EYA1: variants seen among roughly 807,000 people sequenced by gnomAD.
EYA1 encodes the protein protein phosphatase EYA1.
In EYA1, 16 loss-of-function variants were observed where a neutral mutation model predicts 82.0. The ratio of observed to expected loss-of-function variants is 0.20; its 90% CI spans 0.13 to 0.30. The LOEUF (loss-of-function observed/expected upper bound fraction) is 0.30, where lower values mean the gene tolerates loss of function less well. EYA1 is among the 10% of genes least tolerant of loss of function. EYA1 has a pLI of 1.00. For missense variants in EYA1, 633 were observed against 730.7 expected (o/e 0.87, Z 1.54); for synonymous variants, 261 against 264.4 (o/e 0.99, Z 0.12).
chr8:71,407,909 A>G (rs574566836), intron 2 of EYA1, among the ~76,000 whole-genome samples: 3,626 of 149,198 alleles, frequency 0.024, 150 homozygotes, highest in African/African-American at 0.082. Flanking sequence ...CAACTCCAAG[A>G]CACGTAATTG....
At chr8:71,498,046 T>G (rs1036458677) in intron 2 of EYA1, among the ~76,000 whole-genome samples, 1 of 151,382 alleles carries the variant, frequency 6.6e-6, no homozygotes, top group Non-Finnish European at 1.5e-5. Flanking sequence ...CTAGGGTGGT[T>G]GGGGGCAGAG....
intron 4 of EYA1, among the ~76,000 whole-genome samples, chr8:71,329,988 G>A (rs1823632264): frequency 6.6e-6 from 1 of 152,088 alleles, no homozygotes; most frequent in Non-Finnish European, 1.5e-5. Flanking sequence ...ACGAAGTTAG[G>A]GAGAGTAAGG....
chr8:71,504,789 G>C (rs1812065980), intron 2 of EYA1, among the ~76,000 whole-genome samples: 1 of 151,766 alleles, frequency 6.6e-6, no homozygotes, highest in South Asian at 2.1e-4. Context: ...ACTGCTTTTT[G>C]CTGTTGTTTT....
chr8:71,246,647 A>G (rs1813129599), intron 11 of EYA1, among the ~76,000 whole-genome samples: 1 of 152,230 alleles, frequency 6.6e-6, no homozygotes. Flanking sequence ...TCATCCTCTC[A>G]TCGAGCCTGG....
intron 4 of EYA1, among the ~76,000 whole-genome samples, chr8:71,327,984 T>G (rs894214612): frequency 6.6e-6 from 1 of 150,526 alleles, no homozygotes; most frequent in Non-Finnish European, 1.5e-5. Context: ...GCCTCCTGAA[T>G]AGCTGGGATT....
intron 1 of EYA1, 188 bp from the exon 2 acceptor site, chr8:71,356,699 G>T (rs1328482938): frequency 1.6e-6 from 2 of 1,279,142 alleles, no homozygotes; most frequent in Non-Finnish European, 2.0e-6. Flanking sequence ...TCCTCCTGCA[G>T]GTCTATCCTC....
At chr8:71,306,585 GCACAGCT>G (rs1820767060) in intron 7 of EYA1, among the ~76,000 whole-genome samples, 1 of 152,092 alleles carries the variant, frequency 6.6e-6, no homozygotes, top group South Asian at 2.1e-4. Context: ...AGCTCCCCAT[GCACAGCT>G]CACCATGGTA....
At chr8:71,245,502 A>G (rs1392538725) in intron 11 of EYA1, among the ~76,000 whole-genome samples, 1 of 151,672 alleles carries the variant, frequency 6.6e-6, no homozygotes, top group Non-Finnish European at 1.5e-5. Flanking sequence ...CTGGGATTAC[A>G]GGCATGAGCC....
Position 71,399,001 on chromosome 8 carries a change from C to T in EYA1, c.34-42490G>A, listed in dbSNP as rs1174469947. Among the ~76,000 whole-genome samples the T allele has an allele frequency of 4.6e-5, 7 of 152,322 alleles. 1 individual carries two copies. The highest frequency in any genetic ancestry group is 1.7e-4 in the African/African-American group (7 of 41,558). On this transcript the variant is annotated intron_variant, in intron 2 of 18. Transcript: ENST00000643681. ...ACTCAAGCCACAGCAATGGCAGATG[C>T]CCCTCCGACAGCCTTGCTGCTGCCT...
At chr8:71,418,624 T>A (rs1830980856) in intron 2 of EYA1, among the ~76,000 whole-genome samples, 1 of 152,242 alleles carries the variant, frequency 6.6e-6, no homozygotes, top group Admixed American at 6.5e-5. Flanking sequence ...ATACACATTA[T>A]CTCAGAAAGT....
intron 2 of EYA1, among the ~76,000 whole-genome samples, chr8:71,420,474 TA>T (rs1171522850): frequency 6.6e-6 from 1 of 152,032 alleles, no homozygotes; most frequent in Admixed American, 6.5e-5. Flanking sequence ...AAGCTTTTTT[TA>T]AAAAAATTAA....
intron 2 of EYA1, among the ~76,000 whole-genome samples, chr8:71,514,771 C>G (rs374395448): frequency 6.6e-6 from 1 of 152,118 alleles, no homozygotes; most frequent in African/African-American, 2.4e-5. Context: ...ATTCAAGTTG[C>G]GATTTGGGTG....
rs138509009 is a variant in EYA1, at chr8:71,331,489, T to TATATATA, written c.202+2607_202+2608insTATATAT. Among the ~76,000 whole-genome samples the TATATATA allele has an allele frequency of 3.1e-4, 45 of 146,856 alleles. No individual in the cohort carries two copies. In the South Asian group the frequency reaches 4.5e-3, roughly 15 times the overall value. Reference sequence around the variant, plus strand: ...ATTACTTTTTAAAAGTATAAATGTTTTATATATATATATACACATATATAT... The same window carrying TATATATA: ...ATTACTTTTTAAAAGTATAAATGTTTATATATATATATATATATATACACATATATAT... On this transcript the variant is annotated intron_variant, in intron 4 of 17. Transcript: ENST00000340726.
rs576508114 is a variant in EYA1, at chr8:71,406,436, T to C, written c.34-49925A>G. Among the ~76,000 whole-genome samples, 367 of 152,218 alleles carry C rather than the reference T, an allele frequency of 2.4e-3. 1 individual carries two copies. Among genetic ancestry groups the C allele is most frequent in the Admixed American group, 4.7e-3 (72 of 15,296 alleles). On this transcript the variant is annotated intron_variant, in intron 2 of 18. Transcript: ENST00000643681. ...CAGCGTGAGCGACGCAGAAGACAGG[T>C]GATTTCTGCATTTCCATCTGAGGTA...
intron 11 of EYA1, among the ~76,000 whole-genome samples, chr8:71,254,980 A>C (rs1814230768): frequency 6.6e-6 from 1 of 152,182 alleles, no homozygotes; most frequent in African/African-American, 2.4e-5. Flanking sequence ...AAATTAAGAA[A>C]ATGATTCCAT....
At position 71,335,022 on chromosome 8, in the gene EYA1, A is replaced by G. The variant is rs574703183; in HGVS notation, c.125-848T>C. Among the ~76,000 whole-genome samples, 43 of 152,302 alleles carry G rather than the reference A, an allele frequency of 2.8e-4. No individual in the cohort carries two copies. In the South Asian group the frequency reaches 5.0e-3, roughly 18 times the overall value. On this transcript the variant is annotated intron_variant, in intron 3 of 17. Coordinates refer to ENST00000340726, the MANE Select transcript of EYA1 (RefSeq NM_000503.6). The stretch of plus-strand genomic sequence containing the variant: ...CTGCCTTTGTTCTCTCTAGTTTTAC[A>G]TTTTTTTAAAAGAAGAAGTAGCATC...
intron 2 of EYA1, among the ~76,000 whole-genome samples, chr8:71,465,691 C>T (rs1808719848): frequency 1.3e-5 from 2 of 152,078 alleles, no homozygotes; most frequent in South Asian, 4.1e-4. Context: ...TTTAGTTTAT[C>T]TTTAAAATAC....
chr8:71,340,537 C>T (rs929568405), intron 3 of EYA1, among the ~76,000 whole-genome samples: 9 of 152,214 alleles, frequency 5.9e-5, no homozygotes, highest in East Asian at 5.8e-4. Flanking sequence ...AAATTTTACA[C>T]GTGACTAAAT....
chr8:71,515,554 C>T (rs957614066), intron 2 of EYA1, among the ~76,000 whole-genome samples: 6 of 151,856 alleles, frequency 4.0e-5, no homozygotes, highest in African/African-American at 1.2e-4. Context: ...ATTGCCATGA[C>T]GGAAAAGTGC....
Sources: allele counts gnomAD v4.1 joint callset (sites outside exome capture counted in the v4.1 genomes callset), GRCh38; gene constraint gnomAD v4.1.1; transcripts MANE v1.5; gene names NCBI Gene and HGNC (gene_info 2026-07-23, HGNC 2026-07-21).